CACNA2D3: variants seen among roughly 807,000 people sequenced by gnomAD.
CACNA2D3 encodes the protein calcium voltage-gated channel auxiliary subunit alpha2delta 3, also known as voltage-dependent calcium channel subunit alpha-2/delta-3.
In CACNA2D3, 60 loss-of-function variants were observed where a neutral mutation model predicts 160.6. That is an observed-to-expected ratio of 0.37 (90% confidence interval 0.30 to 0.46). The LOEUF is 0.46. Among genes scored for constraint, CACNA2D3 ranks in the 20% least tolerant of loss-of-function variants. The pLI, the probability that CACNA2D3 is intolerant of heterozygous loss-of-function variation, is 1.00. For synonymous variants in CACNA2D3, 558 were observed against 492.9 expected, an observed-to-expected ratio of 1.13 and a Z score of -1.75; for missense variants, 1,205 against 1,365.0, an observed-to-expected ratio of 0.88 and a Z score of 1.85.
intron 2 of CACNA2D3, among the ~76,000 whole-genome samples, chr3:54,128,141 G>T (rs1433574111): frequency 6.6e-6 from 1 of 152,098 alleles, no homozygotes; most frequent in Non-Finnish European, 1.5e-5. Flanking sequence ...TGATTGATTA[G>T]CATGGTGATC....
chr3:54,771,783 T>C (rs13083683), intron 13 of CACNA2D3, among the ~76,000 whole-genome samples: 42,352 of 150,434 alleles, frequency 0.28, 6,093 homozygotes, highest in African/African-American at 0.35. Flanking sequence ...CCCATCAGCT[T>C]ACACTCAAGG....
chr3:55,011,567 A>T (rs10049359), intron 34 of CACNA2D3, among the ~76,000 whole-genome samples: 57,830 of 132,176 alleles, frequency 0.44, 11,303 homozygotes, highest in African/African-American at 0.49. Flanking sequence ...TGATGAAATT[A>T]AAAAAATGCT....
chr3:54,308,894 A>G (rs1703668826), intron 2 of CACNA2D3, among the ~76,000 whole-genome samples: 1 of 152,228 alleles, frequency 6.6e-6, no homozygotes, highest in African/African-American at 2.4e-5. Context: ...TTTGAAAAAA[A>G]GTAGGCTGCA....
intron 11 of CACNA2D3, among the ~76,000 whole-genome samples, chr3:54,688,926 G>T (rs974896017): frequency 4.5e-5 from 6 of 132,710 alleles, no homozygotes; most frequent in Non-Finnish European, 9.2e-5. Flanking sequence ...AGGTTGCAGT[G>T]AGCTGAAATT....
intron 2 of CACNA2D3, among the ~76,000 whole-genome samples, chr3:54,222,535 T>C (rs142602716): frequency 5.9e-4 from 90 of 152,340 alleles, no homozygotes; most frequent in African/African-American, 2.0e-3. Flanking sequence ...TGAGTCAATG[T>C]TGACAAATAA....
At chr3:54,295,937 A>G (rs1226516165) in intron 2 of CACNA2D3, among the ~76,000 whole-genome samples, 1 of 151,958 alleles carries the variant, frequency 6.6e-6, no homozygotes, top group Non-Finnish European at 1.5e-5. Context: ...TTCCTTTCAT[A>G]CCTCCCTTCC....
At chr3:54,728,800 T>A (rs1443351151) in intron 11 of CACNA2D3, among the ~76,000 whole-genome samples, 1 of 152,242 alleles carries the variant, frequency 6.6e-6, no homozygotes, top group African/African-American at 2.4e-5. Context: ...GCTTGTAGTT[T>A]CTACATGTGC....
At chr3:55,019,467 T>C (rs958854666) in intron 35 of CACNA2D3, among the ~76,000 whole-genome samples, 13 of 152,114 alleles carry the variant, frequency 8.5e-5, no homozygotes, top group Non-Finnish European at 1.9e-4. Context: ...TCTATGCCTT[T>C]TAATACAATT....
intron 5 of CACNA2D3, among the ~76,000 whole-genome samples, chr3:54,533,825 G>A (rs140070893): frequency 8.7e-5 from 11 of 126,332 alleles, no homozygotes; most frequent in Non-Finnish European, 1.5e-4. Context: ...GTGTGTGTGT[G>A]TGTTAATAGG....
chr3:54,321,042 G>A (rs139532818), intron 3 of CACNA2D3, among the ~76,000 whole-genome samples: 3 of 152,236 alleles, frequency 2.0e-5, no homozygotes, highest in East Asian at 1.9e-4. Flanking sequence ...TTTATTGGCC[G>A]GGCGCGGTGG....
At chr3:54,207,910 A>G (rs1701301680) in intron 2 of CACNA2D3, among the ~76,000 whole-genome samples, 1 of 152,162 alleles carries the variant, frequency 6.6e-6, no homozygotes, top group South Asian at 2.1e-4. Context: ...AGTGATCTAC[A>G]GCCCAGCTGG....
At chr3:54,248,580 C>T (rs1471977453) in intron 2 of CACNA2D3, among the ~76,000 whole-genome samples, 1 of 151,666 alleles carries the variant, frequency 6.6e-6, no homozygotes, top group Non-Finnish European at 1.5e-5. Context: ...GAAGAAATAC[C>T]AGGAATCCAC....
At chr3:55,030,457 C>A (rs998909742) in intron 35 of CACNA2D3, among the ~76,000 whole-genome samples, 2 of 152,196 alleles carry the variant, frequency 1.3e-5, no homozygotes, top group Non-Finnish European at 1.5e-5. Flanking sequence ...CTAGCTCTTA[C>A]AATGAATATC....
At chr3:55,022,731 A>G (rs1310781932) in intron 35 of CACNA2D3, among the ~76,000 whole-genome samples, 1 of 134,204 alleles carries the variant, frequency 7.5e-6, no homozygotes, top group African/African-American at 2.8e-5. Flanking sequence ...TCCATACTCT[A>G]TGTAAAGTAC....
chr3:54,812,951 A>G (rs1308534323), intron 13 of CACNA2D3, among the ~76,000 whole-genome samples: 1 of 152,222 alleles, frequency 6.6e-6, no homozygotes, highest in East Asian at 1.9e-4. Flanking sequence ...TGGTTTAAGG[A>G]AAAAGTCCAA....
intron 27 of CACNA2D3, among the ~76,000 whole-genome samples, chr3:54,948,060 C>A (rs764248815): frequency 5.9e-5 from 9 of 152,170 alleles, no homozygotes; most frequent in Non-Finnish European, 1.2e-4. Context: ...AGACCTTCTA[C>A]GGAGGAGATG....
chr3:54,784,516 A>C (rs540650563), intron 13 of CACNA2D3, among the ~76,000 whole-genome samples: 2 of 152,228 alleles, frequency 1.3e-5, no homozygotes, highest in Non-Finnish European at 2.9e-5. Flanking sequence ...AGAGATGATC[A>C]AATGTAACCT....
At position 54,562,237 on chromosome 3, in the gene CACNA2D3, A is replaced by C. The variant is rs1333646708; in HGVS notation, c.545-563A>C. Among the ~76,000 whole-genome samples the C allele has an allele frequency of 3.3e-5, 5 of 152,342 alleles. No individual in the cohort carries two copies. The South Asian group carries it at 6.2e-4, about 19-fold the overall frequency. On this transcript the variant is annotated intron_variant, in intron 5 of 37. Coordinates refer to ENST00000474759, the MANE Select transcript of CACNA2D3 (RefSeq NM_018398.3). ...AGGGTACAGCAGAAGACCAAGAGGC[A>C]GTCTGTGCTTTCACAGAGATCACAT...
chr3:55,025,692 A>G (rs1306540146), intron 35 of CACNA2D3, among the ~76,000 whole-genome samples: 2 of 150,332 alleles, frequency 1.3e-5, no homozygotes, highest in Admixed American at 6.7e-5. Flanking sequence ...TATATCAGTC[A>G]TGGCTAGTCT....
Sources: gnomAD v4.1 joint callset for allele counts (sites outside exome capture counted in the v4.1 genomes callset) on GRCh38, gnomAD v4.1.1 for gene constraint, MANE v1.5 for transcripts, NCBI Gene and HGNC (gene_info 2026-07-23, HGNC 2026-07-21) for gene names.